Variants in LRRN2 observed in about 807,000 individuals in gnomAD.
LRRN2 encodes leucine rich repeat neuronal 2, also known as leucine-rich repeat neuronal protein 2.
LRRN2 carries 10 observed loss-of-function variants against 35.7 expected under a neutral mutation model. The observed-to-expected ratio is 0.28, with a 90% CI of 0.17 to 0.47. LRRN2 has a LOEUF of 0.47. LRRN2 is among the 20% of genes least tolerant of loss of function. The pLI, the probability that LRRN2 is intolerant of heterozygous loss-of-function variation, is 0.99. For missense variants in LRRN2, 731 were observed against 940.3 expected (o/e 0.78, Z 2.91); for synonymous variants, 391 against 409.6 (o/e 0.95, Z 0.55).
chr1:204,618,398 C>G lies in LRRN2; in HGVS notation c.1595G>C (p.Arg532Pro), dbSNP rs141369408. The G allele has an allele frequency of 6.2e-7, 1 of 1,612,396 alleles. No individual in the cohort carries two copies. Among genetic ancestry groups the G allele is most frequent in the African/African-American group, 1.3e-5 (1 of 75,016 alleles). Residue 532 changes from arginine to proline, a missense_variant, in exon 2 of 2, where the codon CGG (arginine) becomes CCG (proline). By Grantham distance (103) the Arg-to-Pro change is moderately radical (BLOSUM62 -2). Transcript: ENST00000367177. ...GTGATAGGGGTGGGTCTCCTGCACC[C>G]GGAGCTCCAGCCCCTGTCCTTCGTC... is the stretch of plus-strand genomic sequence containing the variant. The part of the protein sequence containing the change: ...GRDEGQGLEL[R>P]VQETHPYHIL...
intron 1 of LRRN2, among the ~76,000 whole-genome samples, chr1:204,674,522 T>C (rs532021983): frequency 1.3e-5 from 2 of 152,332 alleles, no homozygotes; most frequent in African/African-American, 4.8e-5. Flanking sequence ...GTATACGCAC[T>C]ACTGGGGCAC....
chr1:204,663,954 AG>A (rs1487632402), intron 1 of LRRN2: 1 of 152,310 alleles, frequency 6.6e-6, no homozygotes, highest in African/African-American at 2.4e-5. Flanking sequence ...CGTCAGGCCA[AG>A]GAGAAATGAC....
intron 1 of LRRN2, among the ~76,000 whole-genome samples, chr1:204,632,739 G>C (rs1434751231): frequency 6.6e-6 from 1 of 151,828 alleles, no homozygotes; most frequent in East Asian, 1.9e-4. Context: ...AGACCATCCT[G>C]ACTAACACGG....
chr1:204,654,327 T>C (rs1668298554), intron 1 of LRRN2, among the ~76,000 whole-genome samples: 1 of 152,204 alleles, frequency 6.6e-6, no homozygotes, highest in Non-Finnish European at 1.5e-5. Context: ...TGAAGATTTA[T>C]GGGTTTGAAT....
At chr1:204,653,667 C>T (rs1173515202) in intron 1 of LRRN2, among the ~76,000 whole-genome samples, 7 of 151,838 alleles carry the variant, frequency 4.6e-5, no homozygotes, top group Non-Finnish European at 1.0e-4. Context: ...TCAAGACCAG[C>T]CTGGGCAACA....
chr1:204,627,813 A>C (rs1266068795), intron 1 of LRRN2, among the ~76,000 whole-genome samples: 1 of 152,066 alleles, frequency 6.6e-6, no homozygotes, highest in Admixed American at 6.5e-5. Context: ...CTCCATCCTA[A>C]ACTGGCTGGC....
intron 1 of LRRN2, among the ~76,000 whole-genome samples, chr1:204,638,257 G>A (rs971868893): frequency 1.3e-5 from 2 of 152,096 alleles, no homozygotes; most frequent in African/African-American, 4.8e-5. Flanking sequence ...CTGCTTTAGT[G>A]TTCACAACAG....
chr1:204,664,544 TC>T (rs1223146236), intron 1 of LRRN2: 1 of 152,184 alleles, frequency 6.6e-6, no homozygotes, highest in Non-Finnish European at 1.5e-5. Context: ...CCTCATCCCT[TC>T]CCACCTCCTC....
At chr1:204,647,547 G>T (rs1328995791) in intron 1 of LRRN2, among the ~76,000 whole-genome samples, 1 of 152,206 alleles carries the variant, frequency 6.6e-6, no homozygotes, top group Non-Finnish European at 1.5e-5. Context: ...GGGAGTGAGG[G>T]GAGAGGAGGT....
In LRRN2 at chr1:204,620,118, T is replaced by A; in HGVS notation, c.-126A>T. On this transcript the variant is annotated 5_prime_UTR_variant, in exon 2 of 2. Transcript: ENST00000367177. ...AACCACCCTCCCAGGGCAGTCATTC[T>A]ACACCGGGCGTCACTTCTTGCCCTC... is the stretch of plus-strand genomic sequence containing the variant. 6.8e-7 allele frequency: 1 copy of A among 1,470,438 alleles called. No individual in the cohort carries two copies. The highest frequency in any genetic ancestry group is 9.0e-7 in the Non-Finnish European group (1 of 1,109,354). The allele number at this position is 1,470,438 out of a possible 1,614,324, so 91.1% of individuals were successfully genotyped here.
intron 1 of LRRN2, among the ~76,000 whole-genome samples, chr1:204,676,164 G>A (rs1571685943): frequency 1.4e-5 from 2 of 140,878 alleles, no homozygotes; most frequent in South Asian, 2.3e-4. Flanking sequence ...GTGTGTGTGT[G>A]TGTGTGTGTA....
chr1:204,623,180 T>C lies in LRRN2; in HGVS notation c.-226-2962A>G, dbSNP rs147834843. On this transcript the variant is annotated intron_variant, in intron 1 of 1. Transcript: ENST00000367177. Reference sequence around the variant, plus strand: ...GAGGGCTGGAGGAGGTGGAGAGGGGTCTTCAGCTGGGCCCCAGCATCTCCC... The same window carrying C: ...GAGGGCTGGAGGAGGTGGAGAGGGGCCTTCAGCTGGGCCCCAGCATCTCCC... Among the ~76,000 whole-genome samples the C allele has an allele frequency of 3.7e-3, 556 of 151,626 alleles. 2 individuals are homozygous for C. Among genetic ancestry groups the C allele is most frequent in the African/African-American group, 0.013 (539 of 41,290 alleles).
At chr1:204,676,001 G>A (rs915316968) in intron 1 of LRRN2, among the ~76,000 whole-genome samples, 4 of 152,310 alleles carry the variant, frequency 2.6e-5, no homozygotes, top group South Asian at 2.1e-4. Context: ...AGAGGTCTCC[G>A]GGGAGGAAAG....
chr1:204,661,894 T>G (rs951216822), intron 1 of LRRN2, among the ~76,000 whole-genome samples: 1 of 152,060 alleles, frequency 6.6e-6, no homozygotes, highest in African/African-American at 2.4e-5. Flanking sequence ...AAAGAATGCT[T>G]TGCTGCACCC....
At chr1:204,671,473 A>G (rs1437889429) in intron 1 of LRRN2, among the ~76,000 whole-genome samples, 1 of 150,746 alleles carries the variant, frequency 6.6e-6, no homozygotes, top group African/African-American at 2.4e-5. Context: ...GCAGGTAGAA[A>G]GAAGCAGATA....
chr1:204,648,723 C>A (rs1668162401), intron 1 of LRRN2, among the ~76,000 whole-genome samples: 1 of 152,162 alleles, frequency 6.6e-6, no homozygotes, highest in East Asian at 1.9e-4. Context: ...GCTAGGGATA[C>A]AGAAATAAAT....
At chr1:204,677,963 C>G (rs1401963874) in intron 1 of LRRN2, among the ~76,000 whole-genome samples, 2 of 152,112 alleles carry the variant, frequency 1.3e-5, no homozygotes, top group Non-Finnish European at 2.9e-5. Flanking sequence ...ACCTCCCCTC[C>G]AGCAGCACCA....
intron 1 of LRRN2, among the ~76,000 whole-genome samples, chr1:204,643,423 G>A (rs552559321): frequency 3.3e-5 from 5 of 152,164 alleles, no homozygotes; most frequent in Non-Finnish European, 7.4e-5. Context: ...CTCCCAAAAC[G>A]TTAAGTGCTG....
chr1:204,632,831 G>C (rs540225212), intron 1 of LRRN2, among the ~76,000 whole-genome samples: 1,634 of 151,896 alleles, frequency 0.011, 16 homozygotes, highest in Middle Eastern at 0.041. Context: ...CTACATGGGA[G>C]GCTGAGGCAG....
Sources: allele counts gnomAD v4.1 joint callset (sites outside exome capture counted in the v4.1 genomes callset), GRCh38; gene constraint gnomAD v4.1.1; transcripts MANE v1.5; gene names NCBI Gene and HGNC (gene_info 2026-07-23, HGNC 2026-07-21).